Variants in SBF2 observed in about 807,000 individuals in gnomAD.
SBF2 encodes myotubularin-related protein 13.
In SBF2, 112 loss-of-function variants were observed where a neutral mutation model predicts 225.2. That is an observed-to-expected ratio of 0.50 (90% CI 0.43 to 0.58). The LOEUF is 0.58. Among genes scored for constraint, SBF2 ranks in the 20% least tolerant of loss-of-function variants. The pLI is 0.00. For synonymous variants in SBF2, 763 were observed against 773.3 expected (o/e 0.99, Z 0.22); for missense variants, 1,996 against 2,206.2 (o/e 0.90, Z 1.91).
At chr11:9,931,135 C>T (rs983409914) in intron 16 of SBF2, among the ~76,000 whole-genome samples, 2 of 152,278 alleles carry the variant, frequency 1.3e-5, no homozygotes, top group African/African-American at 4.8e-5. Flanking sequence ...TGCAGCTCAG[C>T]AAGGCCTACT....
At chr11:10,002,348 T>G (rs189048843) in intron 7 of SBF2, among the ~76,000 whole-genome samples, 5 of 152,310 alleles carry the variant, frequency 3.3e-5, no homozygotes, top group Non-Finnish European at 7.4e-5. Flanking sequence ...AAATTAAATA[T>G]TTTTACACTA....
At chr11:10,014,392 T>C (rs1948565617) in intron 6 of SBF2, among the ~76,000 whole-genome samples, 1 of 152,014 alleles carries the variant, frequency 6.6e-6, no homozygotes, top group Non-Finnish European at 1.5e-5. Flanking sequence ...CATATTTGTA[T>C]GTTCCTTCTT....
chr11:10,030,151 G>C (rs1949202114), intron 4 of SBF2, among the ~76,000 whole-genome samples: 1 of 152,126 alleles, frequency 6.6e-6, no homozygotes, highest in Admixed American at 6.6e-5. Flanking sequence ...CAAATCTGTA[G>C]GGCTAATACT....
Position 9,794,943 on chromosome 11 carries a change from A to G in SBF2, c.4570+888T>C, listed in dbSNP as rs150596824. The stretch of plus-strand genomic sequence containing the variant: ...TCAATAGGATGCCCTGGAAAGCGGT[A>G]TTTCCTGATTTCAGATTTAAAACTG... On this transcript the variant is annotated intron_variant, in intron 33 of 39. Transcript: ENST00000256190. Among the ~76,000 whole-genome samples the G allele has an allele frequency of 3.3e-3, 503 of 152,224 alleles. 3 individuals are homozygous for G. The highest frequency in any genetic ancestry group is 4.8e-3 in the South Asian group (23 of 4,814).
intron 17 of SBF2, among the ~76,000 whole-genome samples, chr11:9,888,055 A>T (rs1192245775): frequency 1.3e-5 from 2 of 152,198 alleles, no homozygotes; most frequent in African/African-American, 4.8e-5. Context: ...TTCCATCAGA[A>T]TTACCTACAA....
At chr11:10,257,813 A>G (rs1961003496) in intron 1 of SBF2, among the ~76,000 whole-genome samples, 1 of 151,980 alleles carries the variant, frequency 6.6e-6, no homozygotes, top group South Asian at 2.1e-4. Flanking sequence ...CCTGGGCAAC[A>G]TGGTGAAACT....
chr11:10,085,503 C>G (rs1951530383), intron 2 of SBF2, among the ~76,000 whole-genome samples: 1 of 152,096 alleles, frequency 6.6e-6, no homozygotes, highest in African/African-American at 2.4e-5. Flanking sequence ...ATTGGATTCT[C>G]TTCATACATA....
At chr11:10,020,643 T>G (rs567774070) in intron 6 of SBF2, among the ~76,000 whole-genome samples, 1 of 152,196 alleles carries the variant, frequency 6.6e-6, no homozygotes, top group African/African-American at 2.4e-5. Context: ...TTTTTTCTTC[T>G]GAGGAGGCAA....
intron 1 of SBF2, among the ~76,000 whole-genome samples, chr11:10,204,657 CAA>C (rs75767484): frequency 5.7e-4 from 78 of 136,922 alleles, no homozygotes; most frequent in Middle Eastern, 3.8e-3. Context: ...CACTCCATCT[CAA>C]AAAAAAAAAA....
At chr11:10,061,326 T>C (rs944018571) in intron 2 of SBF2, among the ~76,000 whole-genome samples, 4 of 151,858 alleles carry the variant, frequency 2.6e-5, no homozygotes, top group Non-Finnish European at 5.9e-5. Context: ...CACTTAATAT[T>C]GGAATTCCCA....
intron 1 of SBF2, among the ~76,000 whole-genome samples, chr11:10,233,827 T>A (rs1297492361): frequency 6.6e-6 from 1 of 152,186 alleles, no homozygotes; most frequent in East Asian, 1.9e-4. Context: ...GCCTGGTCAT[T>A]TCTGCCTAAC....
intron 16 of SBF2, among the ~76,000 whole-genome samples, chr11:9,920,236 A>G (rs1254952179): frequency 6.6e-6 from 1 of 151,452 alleles, no homozygotes; most frequent in Non-Finnish European, 1.5e-5. Flanking sequence ...ACATATATGT[A>G]TATCATATAT....
intron 1 of SBF2, among the ~76,000 whole-genome samples, chr11:10,272,785 A>G (rs1962610116): frequency 8.7e-6 from 1 of 114,958 alleles, no homozygotes; most frequent in Non-Finnish European, 1.9e-5. Flanking sequence ...TAATAATAAT[A>G]ACATGCCGGG....
intron 2 of SBF2, among the ~76,000 whole-genome samples, chr11:10,064,710 C>T (rs2134773178): frequency 6.6e-6 from 1 of 151,910 alleles, no homozygotes; most frequent in Admixed American, 6.6e-5. Context: ...GATATATGGG[C>T]CAATTAATCA....
At chr11:10,125,099 A>T (rs2135069579) in intron 2 of SBF2, among the ~76,000 whole-genome samples, 1 of 125,932 alleles carries the variant, frequency 7.9e-6, no homozygotes, top group South Asian at 2.8e-4. Flanking sequence ...CAAGAGAGAG[A>T]CTGTGTCTCA....
At chr11:10,001,822 G>T (rs977985417) in intron 7 of SBF2, among the ~76,000 whole-genome samples, 1 of 151,764 alleles carries the variant, frequency 6.6e-6, no homozygotes, top group Non-Finnish European at 1.5e-5. Context: ...CACTGCGCCT[G>T]GCCAAAAAAA....
upstream of SBF2, among the ~76,000 whole-genome samples, chr11:10,295,514 C>T (rs1268645829): frequency 6.6e-6 from 1 of 151,676 alleles, no homozygotes; most frequent in Non-Finnish European, 1.5e-5. Context: ...ATGTCAGTTG[C>T]TAATGGTAAA....
chr11:10,195,356 C>T (rs1591187826), intron 1 of SBF2, among the ~76,000 whole-genome samples: 1 of 152,234 alleles, frequency 6.6e-6, no homozygotes, highest in East Asian at 1.9e-4. Flanking sequence ...AATCAACTTC[C>T]CATTGAACTT....
intron 16 of SBF2, chr11:9,958,787 C>A (rs1866367864): frequency 5.9e-6 from 3 of 506,650 alleles, no homozygotes; most frequent in Admixed American, 5.0e-5. Context: ...AAGACACGGG[C>A]AGATGAGGGC....
Sources: allele counts gnomAD v4.1 joint callset (sites outside exome capture counted in the v4.1 genomes callset), GRCh38; gene constraint gnomAD v4.1.1; transcripts MANE v1.5; gene names NCBI Gene and HGNC (gene_info 2026-07-23, HGNC 2026-07-21).